NDUFAF2: variants seen among roughly 807,000 people sequenced by gnomAD.
The protein encoded by NDUFAF2 is NADH dehydrogenase [ubiquinone] 1 alpha subcomplex assembly factor 2.
A neutral mutation model predicts 22.8 loss-of-function variants in NDUFAF2; 13 were observed. That is an observed-to-expected ratio of 0.57 (90% CI 0.37 to 0.91). The LOEUF is 0.91. NDUFAF2 is among the 40% of genes least tolerant of loss of function. The pLI is 0.01. For missense variants in NDUFAF2, 162 were observed against 195.2 expected (o/e 0.83, Z 1.01); for synonymous variants, 53 against 64.2 (o/e 0.83, Z 0.84).
chr5:61,064,914 A>G (rs974480232), intron 1 of NDUFAF2, among the ~76,000 whole-genome samples: 2 of 152,056 alleles, frequency 1.3e-5, no homozygotes, highest in Non-Finnish European at 2.9e-5. Context: ...CAAAAAAAAC[A>G]TAGAGTCAAT....
At chr5:61,001,634 T>C (rs1008153743) in intron 1 of NDUFAF2, among the ~76,000 whole-genome samples, 2 of 152,150 alleles carry the variant, frequency 1.3e-5, no homozygotes, top group African/African-American at 4.8e-5. Flanking sequence ...TAGTAAAATC[T>C]TATTACCTTG....
At chr5:61,140,195 G>A (rs1741029985) in intron 3 of NDUFAF2, among the ~76,000 whole-genome samples, 1 of 152,228 alleles carries the variant, frequency 6.6e-6, no homozygotes, top group South Asian at 2.1e-4. Flanking sequence ...AAGTGTCACT[G>A]TCATCACTGA....
chr5:61,119,911 A>C (rs1002738236), intron 3 of NDUFAF2, among the ~76,000 whole-genome samples: 4 of 152,134 alleles, frequency 2.6e-5, no homozygotes, highest in Non-Finnish European at 4.4e-5. Flanking sequence ...TACATTTAAA[A>C]ATTTTTTTAA....
chr5:61,099,761 C>T (rs1219515595), intron 3 of NDUFAF2, among the ~76,000 whole-genome samples: 47 of 151,946 alleles, frequency 3.1e-4, no homozygotes, highest in Admixed American at 3.1e-3. Flanking sequence ...GCCTTGTTTA[C>T]TTTTTGTCTA....
chr5:61,021,994 A>G (rs1751589545), intron 1 of NDUFAF2, among the ~76,000 whole-genome samples: 1 of 152,144 alleles, frequency 6.6e-6, no homozygotes, highest in South Asian at 2.1e-4. Context: ...TGTTCAGGAG[A>G]GGTTGTCCTG....
chr5:61,027,461 C>G lies in NDUFAF2; in HGVS notation c.128-45664C>G, dbSNP rs538916257. Among the ~76,000 whole-genome samples the G allele has an allele frequency of 6.6e-5, 10 of 152,050 alleles. No individual in the cohort carries two copies. The South Asian group carries it at 2.1e-3, about 32-fold the overall frequency. On this transcript the variant is annotated intron_variant, in intron 1 of 3. Transcript: ENST00000296597. ...TTCTGTATGTTAATACCAAAATCTACCAGTTAAATATATTTTGACTTTTTA... is the reference window on the plus strand; with the variant it reads ...TTCTGTATGTTAATACCAAAATCTAGCAGTTAAATATATTTTGACTTTTTA...
chr5:61,057,991 CTGTT>C (rs879829865), intron 1 of NDUFAF2, among the ~76,000 whole-genome samples: 1 of 152,082 alleles, frequency 6.6e-6, no homozygotes, highest in African/African-American at 2.4e-5. Context: ...AAAATGCAAT[CTGTT>C]TATTTTTATT....
At chr5:61,149,915 GTT>G (rs1215708171) in intron 3 of NDUFAF2, among the ~76,000 whole-genome samples, 1 of 152,006 alleles carries the variant, frequency 6.6e-6, no homozygotes, top group Middle Eastern at 3.2e-3. Context: ...TTTCATTGTT[GTT>G]GTTTGGGGGT....
At chr5:60,956,187 C>T (rs908962246) in intron 1 of NDUFAF2, among the ~76,000 whole-genome samples, 1 of 152,142 alleles carries the variant, frequency 6.6e-6, no homozygotes, top group African/African-American at 2.4e-5. Context: ...AGGCATGAGC[C>T]ACCATGCCTG....
At chr5:61,007,749 C>T (rs1241648089) in intron 1 of NDUFAF2, among the ~76,000 whole-genome samples, 2 of 152,128 alleles carry the variant, frequency 1.3e-5, no homozygotes, top group African/African-American at 4.8e-5. Context: ...TGTGGCAATT[C>T]CTCAAGGATC....
chr5:61,048,220 A>G lies in NDUFAF2; in HGVS notation c.128-24905A>G, dbSNP rs183694981. ...CCTTTACAATTTGGAGAGTTTTGAA[A>G]TTACCTTTGGATGGCTTTCACTGAG... is the stretch of plus-strand genomic sequence containing the variant. On this transcript the variant is annotated intron_variant, in intron 1 of 3. Transcript: ENST00000296597. Among the ~76,000 whole-genome samples the G allele has an allele frequency of 1.9e-3, 282 of 152,250 alleles. 1 individual carries two copies. Among genetic ancestry groups the G allele is most frequent in the Admixed American group, 3.2e-3 (49 of 15,276 alleles).
At chr5:61,085,164 A>C (rs1752491616) in intron 2 of NDUFAF2, among the ~76,000 whole-genome samples, 1 of 152,206 alleles carries the variant, frequency 6.6e-6, no homozygotes, top group Non-Finnish European at 1.5e-5. Context: ...AAATATTAGC[A>C]ACCTGAATCC....
At chr5:61,004,379 T>A (rs1007484761) in intron 1 of NDUFAF2, among the ~76,000 whole-genome samples, 6 of 152,102 alleles carry the variant, frequency 3.9e-5, no homozygotes, top group East Asian at 1.9e-4. Context: ...TTGATTTTTT[T>A]AATAATACAA....
At chr5:61,043,039 G>A (rs980113135) in intron 1 of NDUFAF2, among the ~76,000 whole-genome samples, 1 of 152,154 alleles carries the variant, frequency 6.6e-6, no homozygotes, top group Non-Finnish European at 1.5e-5. Flanking sequence ...GGCCAAGATG[G>A]TGAAACCCCG....
chr5:60,962,877 C>CATTTATTTATTT (rs557797293), intron 1 of NDUFAF2, among the ~76,000 whole-genome samples: 2 of 151,022 alleles, frequency 1.3e-5, no homozygotes, highest in African/African-American at 4.9e-5. Context: ...AAGAGATTGT[C>CATTTATTTATTT]ATTTATTTAT....
chr5:61,084,045 G>C (rs1752476597), intron 2 of NDUFAF2, among the ~76,000 whole-genome samples: 1 of 151,650 alleles, frequency 6.6e-6, no homozygotes, highest in Non-Finnish European at 1.5e-5. Flanking sequence ...CCTTGTTCTT[G>C]ATCTTAGCAG....
At chr5:61,005,379 A>G (rs1580090427) in intron 1 of NDUFAF2, among the ~76,000 whole-genome samples, 1 of 152,264 alleles carries the variant, frequency 6.6e-6, no homozygotes, top group East Asian at 1.9e-4. Flanking sequence ...GCTATTGTGA[A>G]TGGTGCCGCA....
intron 1 of NDUFAF2, among the ~76,000 whole-genome samples, chr5:61,023,601 T>C (rs1018195309): frequency 6.6e-6 from 1 of 152,188 alleles, no homozygotes; most frequent in African/African-American, 2.4e-5. Context: ...TCCAGTCAGA[T>C]TTTATGTTAC....
At chr5:61,111,998 G>T (rs1263238249) in intron 3 of NDUFAF2, among the ~76,000 whole-genome samples, 1 of 151,874 alleles carries the variant, frequency 6.6e-6, no homozygotes, top group Non-Finnish European at 1.5e-5. Flanking sequence ...AGTTCAAGAT[G>T]TGCCCACCTT....
Sources: allele counts gnomAD v4.1 joint callset (sites outside exome capture counted in the v4.1 genomes callset), GRCh38; gene constraint gnomAD v4.1.1; transcripts MANE v1.5; gene names NCBI Gene and HGNC (gene_info 2026-07-23, HGNC 2026-07-21).